RABGAP1: variants seen among roughly 807,000 people sequenced by gnomAD.
The protein encoded by RABGAP1 is RAB GTPase activating protein 1.
Under a neutral mutation model 137.6 loss-of-function variants are expected in RABGAP1, and 23 were observed. That is an observed-to-expected ratio of 0.17 (90% CI 0.12 to 0.24). RABGAP1 has a LOEUF of 0.24. RABGAP1 is among the 10% of genes least tolerant of loss of function. The pLI, the probability that RABGAP1 is intolerant of heterozygous loss-of-function variation, is 1.00. For synonymous variants in RABGAP1, 451 were observed against 450.7 expected (o/e 1.00, Z -0.01); for missense variants, 906 against 1,275.8 (o/e 0.71, Z 4.42).
At chr9:122,960,244 T>C (rs910904644) in intron 2 of RABGAP1, among the ~76,000 whole-genome samples, 9 of 152,208 alleles carry the variant, frequency 5.9e-5, no homozygotes, top group African/African-American at 2.2e-4. Context: ...GAACTTTCAC[T>C]TCAAAGATAC....
At chr9:122,947,387 C>T (rs1240602358) in intron 1 of RABGAP1, among the ~76,000 whole-genome samples, 2 of 151,992 alleles carry the variant, frequency 1.3e-5, no homozygotes, top group Non-Finnish European at 2.9e-5. Context: ...AGGAAATGTT[C>T]CAAGGATAGA....
chr9:122,996,098 G>A lies in RABGAP1; in HGVS notation c.981G>A (p.Lys327=). The A allele has an allele frequency of 6.2e-7, 1 of 1,613,666 alleles. No individual in the cohort carries two copies. Among genetic ancestry groups the A allele is most frequent in the Non-Finnish European group, 8.5e-7 (1 of 1,179,894 alleles). ...QCFKLRQGID[K]KIVIYVQQTT... Reference sequence around the variant, plus strand: ...TTAAACTACGCCAAGGAATTGATAAGAAGATTGTCATCTATGTGCAGCAAA... The same window carrying A: ...TTAAACTACGCCAAGGAATTGATAAAAAGATTGTCATCTATGTGCAGCAAA... Residue 327 remains lysine, a synonymous_variant, in exon 7 of 26, where the codon AAG becomes AAA. Transcript: ENST00000373647.
intron 6 of RABGAP1, among the ~76,000 whole-genome samples, chr9:122,990,942 G>A (rs188256929): frequency 1.9e-3 from 278 of 149,066 alleles, no homozygotes; most frequent in African/African-American, 6.2e-3. Context: ...AAAATCTTAA[G>A]CCTTTTCAAG....
chr9:123,013,795 T>C (rs2031008291), intron 11 of RABGAP1, among the ~76,000 whole-genome samples: 1 of 152,226 alleles, frequency 6.6e-6, no homozygotes, highest in Non-Finnish European at 1.5e-5. Flanking sequence ...TTAAAATTAG[T>C]GCTTTCAGAT....
At chr9:122,941,938 T>G (rs983463090) in intron 1 of RABGAP1, among the ~76,000 whole-genome samples, 3 of 152,286 alleles carry the variant, frequency 2.0e-5, no homozygotes, top group African/African-American at 7.2e-5. Flanking sequence ...TAAGTGATCA[T>G]GCTGCTAGTG....
intron 13 of RABGAP1, among the ~76,000 whole-genome samples, chr9:123,021,573 G>C (rs1382181091): frequency 6.6e-6 from 1 of 152,056 alleles, no homozygotes; most frequent in Non-Finnish European, 1.5e-5. Flanking sequence ...CAACTGTCTT[G>C]GCCTCCCAAA....
rs1487615525 is a variant in RABGAP1, at chr9:122,997,272, A to G, written c.1115A>G (p.Lys372Arg). 6.2e-7 allele frequency: 1 copy of G among 1,605,678 alleles called. No individual in the cohort carries two copies. The highest frequency in any genetic ancestry group is 1.7e-5 in the Admixed American group (1 of 57,776). Residue 372 changes from lysine (K) to arginine (R), a missense_variant, in exon 9 of 26, where the codon AAA becomes AGA. Coordinates refer to ENST00000373647, the MANE Select transcript of RABGAP1 (RefSeq NM_012197.4). ...MHLLDLESMG[K>R]SSDGKSYVIT... is the part of the protein sequence containing the mutation. The stretch of plus-strand genomic sequence containing the variant: ...CTTTTTTTCTAGGAATCTATGGGCA[A>G]AAGTTCAGATGGAAAGTCGTATGTT...
In RABGAP1 at chr9:123,020,310, C is replaced by T; in HGVS notation, c.1645C>T (p.His549Tyr). ...ETWGELLSKW[H>Y]LNLNVRPKQL... ...TATGGTTTATGGCCTTATTTTTAGG[C>T]ATCTCAACTTGAATGTGAGACCGAA... Residue 549 changes from histidine (H) to tyrosine (Y), a missense_variant and splice_region_variant, in exon 13 of 26, where the codon CAT becomes TAT. His to Tyr is a moderately conservative substitution (Grantham distance 83). Around this residue, in one of 9 missense-constraint regions of RABGAP1, gnomAD observed 212 missense variants for 289.4 expected, o/e 0.73. Transcript: ENST00000373647. 1.3e-6 allele frequency: 2 copies of T among 1,534,414 alleles called. No individual in the cohort carries two copies. Among genetic ancestry groups the T allele is most frequent in the South Asian group, 1.3e-5 (1 of 76,486 alleles).
At chr9:123,008,544 CAAAAAAAAAA>C (rs34127466) in intron 10 of RABGAP1, among the ~76,000 whole-genome samples, 2 of 53,130 alleles carry the variant, frequency 3.8e-5, no homozygotes, top group Non-Finnish European at 8.0e-5. Context: ...GACTCCATCT[CAAAAAAAAAA>C]AAAAAAAAGA....
intron 6 of RABGAP1, among the ~76,000 whole-genome samples, chr9:122,992,637 T>G (rs1311767047): frequency 6.7e-6 from 1 of 149,962 alleles, no homozygotes; most frequent in Non-Finnish European, 1.5e-5. Flanking sequence ...TATGTTAACT[T>G]AAATATATTA....
chr9:122,989,891 T>C lies in RABGAP1; in HGVS notation c.766-165T>C, dbSNP rs1836576829. The C allele has an allele frequency of 5.5e-6, 4 of 721,264 alleles. No individual in the cohort carries two copies. The East Asian group carries it at 1.1e-4, about 20-fold the overall frequency. 44.7% of individuals were successfully genotyped at this position (721,264 alleles called of 1,614,324 possible). A position where few individuals can be genotyped will look rare whatever the true frequency, so the allele number is the denominator to read the frequency against. On this transcript the variant is annotated intron_variant, in intron 5 of 25. Coordinates refer to ENST00000373647, the MANE Select transcript of RABGAP1 (RefSeq NM_012197.4). ...TTTTAAAACCCCTTGTCTGGACATT[T>C]TTAGTGTTGCTTGCTTTATAGGCCT...
chr9:123,034,643 A>G (rs770622013), intron 13 of RABGAP1: 27 of 1,613,662 alleles, frequency 1.7e-5, no homozygotes, highest in Middle Eastern at 1.6e-4. Context: ...GAAACTGTCA[A>G]TTTTTGCCTT....
chr9:122,997,066 A>G (rs1421068538), intron 8 of RABGAP1, 193 bp from the exon 9 acceptor site: 7 of 594,184 alleles, frequency 1.2e-5, no homozygotes, highest in Middle Eastern at 2.6e-4. Context: ...TCGTAAGCAT[A>G]TACATATAAC....
At chr9:123,036,237 A>G (rs2032653301) in intron 13 of RABGAP1, among the ~76,000 whole-genome samples, 2 of 152,256 alleles carry the variant, frequency 1.3e-5, no homozygotes, top group Non-Finnish European at 2.9e-5. Context: ...TTAGAATTTT[A>G]CAGTGAACCA....
intron 13 of RABGAP1, among the ~76,000 whole-genome samples, chr9:123,041,359 CAGGT>C (rs1269555753): frequency 6.6e-6 from 1 of 152,114 alleles, no homozygotes; most frequent in Non-Finnish European, 1.5e-5. Flanking sequence ...AGCAACCTAT[CAGGT>C]AGTTATTTTG....
At chr9:122,967,975 G>A (rs544594020) in intron 2 of RABGAP1, among the ~76,000 whole-genome samples, 2 of 152,092 alleles carry the variant, frequency 1.3e-5, no homozygotes, top group South Asian at 4.1e-4. Flanking sequence ...TGATCTACCC[G>A]CCTCGGCTTC....
chr9:123,021,809 C>G (rs557857428), intron 13 of RABGAP1, among the ~76,000 whole-genome samples: 1 of 152,164 alleles, frequency 6.6e-6, no homozygotes, highest in African/African-American at 2.4e-5. Context: ...GTAACTGTTA[C>G]AACCACAGTG....
At chr9:123,066,896 G>A (rs2034192041) in intron 14 of RABGAP1, among the ~76,000 whole-genome samples, 2 of 152,154 alleles carry the variant, frequency 1.3e-5, no homozygotes, top group African/African-American at 4.8e-5. Flanking sequence ...TAACTGATAA[G>A]TATAGTTAAT....
intron 2 of RABGAP1, among the ~76,000 whole-genome samples, chr9:122,961,033 A>G (rs1834824555): frequency 6.6e-6 from 1 of 152,174 alleles, no homozygotes. Context: ...ATGGGAAACT[A>G]TTAAGTGTAC....
Sources: gnomAD v4.1 joint callset for allele counts (sites outside exome capture counted in the v4.1 genomes callset) on GRCh38, gnomAD v4.1.1 for gene constraint, gnomAD v4.1.1 regional missense constraint, MANE v1.5 for transcripts, NCBI Gene and HGNC (gene_info 2026-07-23, HGNC 2026-07-21) for gene names.